Variants in ENTPD6 observed in about 807,000 individuals in gnomAD.
ENTPD6 encodes CD39 antigen-like 2.
A neutral mutation model predicts 61.5 loss-of-function variants in ENTPD6; 46 were observed. The observed-to-expected ratio is 0.75, with a 90% CI of 0.59 to 0.96. The LOEUF (loss-of-function observed/expected upper bound fraction) is 0.96. ENTPD6 is among the 40% of genes least tolerant of loss of function. The pLI, the probability that ENTPD6 is intolerant of heterozygous loss-of-function variation, is 0.00. For missense variants in ENTPD6, 612 were observed against 629.0 expected (o/e 0.97, Z 0.29); for synonymous variants, 252 against 255.5 (o/e 0.99, Z 0.13).
intron 4 of ENTPD6, 67 bp from the exon 5 acceptor site, chr20:25,213,196 G>A: frequency 6.3e-7 from 1 of 1,598,548 alleles, no homozygotes; most frequent in East Asian, 2.2e-5. Flanking sequence ...CAAAAGGGTG[G>A]AAGCAGCACG....
At chr20:25,216,099 TG>T (rs1254218092) in intron 7 of ENTPD6, among the ~76,000 whole-genome samples, 2 of 152,300 alleles carry the variant, frequency 1.3e-5, no homozygotes, top group East Asian at 3.9e-4. Context: ...CTGCTGTAGG[TG>T]GAACAGGGAA....
rs1260277388 is a variant in ENTPD6 at position 25,227,853 on chromosome 20, A to G, written c.*2256A>G. 2.0e-5 allele frequency among the ~76,000 whole-genome samples: 3 copies of G among 152,244 alleles called. No homozygotes were observed. The highest frequency in any genetic ancestry group is 2.9e-5 in the Non-Finnish European group (2 of 68,036). On this transcript the variant is annotated 3_prime_UTR_variant, in exon 15 of 15. Transcript: ENST00000376652. ...ACAAGCATCGGTGCTGGCCTCCCCCATGTCCTAACAGCTACAGCCAGTTTA... is the reference window on the plus strand; with the variant it reads ...ACAAGCATCGGTGCTGGCCTCCCCCGTGTCCTAACAGCTACAGCCAGTTTA...
Position 25,217,601 on chromosome 20 carries a change from C to G in ENTPD6, c.878+20C>G. 1 of 1,609,676 alleles carries G rather than the reference C, an allele frequency of 6.2e-7. No individual in the cohort carries two copies. Among genetic ancestry groups the G allele is most frequent in the Non-Finnish European group, 8.5e-7 (1 of 1,176,140 alleles). ...CTACAGGTCTGCTTTCGGGAACAGG[C>G]GTGGGGAGGCGCCATGGGGTGGGTA... On this transcript the variant is annotated intron_variant, in intron 9 of 14. Transcript: ENST00000376652.
At chr20:25,221,376 T>A in intron 11 of ENTPD6, 43 bp downstream of exon 11, 1 of 1,452,818 alleles carries the variant, frequency 6.9e-7, no homozygotes, top group Non-Finnish European at 9.7e-7. Flanking sequence ...CGGGTGAGAG[T>A]GGTGGCCTCC....
chr20:25,212,388 G>T (rs2092027484), intron 4 of ENTPD6, among the ~76,000 whole-genome samples: 1 of 152,166 alleles, frequency 6.6e-6, no homozygotes, highest in Non-Finnish European at 1.5e-5. Flanking sequence ...GTGAGGATTG[G>T]CACAGGTCTG....
intron 5 of ENTPD6, among the ~76,000 whole-genome samples, chr20:25,214,522 G>A (rs981609326): frequency 1.3e-5 from 2 of 152,234 alleles, no homozygotes; most frequent in African/African-American, 4.8e-5. Flanking sequence ...GCGGGCTTAG[G>A]ACAGGGTCTC....
intron 10 of ENTPD6, among the ~76,000 whole-genome samples, chr20:25,219,972 A>G (rs1179685060): frequency 6.6e-6 from 1 of 152,240 alleles, no homozygotes; most frequent in East Asian, 1.9e-4. Flanking sequence ...CCTATTATTT[A>G]GCCAATGAGA....
chr20:25,195,758 G>A lies in ENTPD6; in HGVS notation c.-125G>A, dbSNP rs74173669. The A allele has an allele frequency of 5.4e-6, 5 of 933,994 alleles. No homozygotes were observed. The African/African-American group carries it at 8.6e-5, about 16-fold the overall frequency. The allele number at this position is 933,994 out of a possible 1,614,324, so 57.9% of individuals were successfully genotyped here. Reference sequence around the variant, plus strand: ...ATCGTGGGGTCGTATCCCGCGGGTGGAGGCCGGGGTGGCGCCGGCCGGGGC... The same window carrying A: ...ATCGTGGGGTCGTATCCCGCGGGTGAAGGCCGGGGTGGCGCCGGCCGGGGC... On this transcript the variant is annotated 5_prime_UTR_variant, in exon 1 of 15. Transcript: ENST00000376652.
intron 1 of ENTPD6, 64 bp from the exon 2 acceptor site, chr20:25,206,458 T>C: frequency 7.9e-7 from 1 of 1,259,090 alleles, no homozygotes; most frequent in Non-Finnish European, 1.2e-6. Flanking sequence ...TGAATTTATT[T>C]TGCTACTCTA....
intron 11 of ENTPD6, chr20:25,222,143 C>T (rs2092656204): frequency 6.5e-6 from 1 of 153,512 alleles, no homozygotes; most frequent in Non-Finnish European, 1.4e-5. Flanking sequence ...GCAGCACACA[C>T]CGGGGCCCTC....
chr20:25,217,312 C>T (rs182520889), intron 8 of ENTPD6, among the ~76,000 whole-genome samples, 190 bp from the exon 9 acceptor site: 143 of 152,226 alleles, frequency 9.4e-4, no homozygotes, highest in Admixed American at 7.1e-3. Flanking sequence ...CCTGTGGGAA[C>T]GAAGCACCGT....
intron 8 of ENTPD6, among the ~76,000 whole-genome samples, chr20:25,216,991 G>A (rs1311353708): frequency 6.6e-6 from 1 of 152,160 alleles, no homozygotes; most frequent in East Asian, 1.9e-4. Context: ...ATAAATTAGG[G>A]AATAACTGGA....
chr20:25,225,414 C>T (rs1296821503), intron 14 of ENTPD6, 85 bp from the exon 15 acceptor site: 6 of 1,579,276 alleles, frequency 3.8e-6, no homozygotes, highest in Admixed American at 3.4e-5. Context: ...CAGCCCATCC[C>T]TGGCTTCCAA....
intron 10 of ENTPD6, among the ~76,000 whole-genome samples, chr20:25,220,939 C>A (rs78690182): frequency 0.038 from 5,778 of 152,346 alleles, 151 homozygotes; most frequent in Non-Finnish European, 0.061. Flanking sequence ...GTAATGATGG[C>A]TCCCCTCCTA....
At chr20:25,206,617 C>T in intron 2 of ENTPD6, 27 bp downstream of exon 2, 1 of 1,555,130 alleles carries the variant, frequency 6.4e-7, no homozygotes, top group Middle Eastern at 1.7e-4. Flanking sequence ...CAGTAGTTGC[C>T]CAAGGGACGG....
chr20:25,225,865 A>G lies in ENTPD6; in HGVS notation c.*268A>G. On this transcript the variant is annotated 3_prime_UTR_variant, in exon 15 of 15. Transcript: ENST00000376652. ...GTGGGCAGGACCAGGACAGAACCAC[A>G]GGCACACACTGAGGGGGCAGTGTGG... The G allele has an allele frequency of 2.5e-6, 1 of 400,408 alleles. No individual in the cohort carries two copies. Among genetic ancestry groups the G allele is most frequent in the Non-Finnish European group, 4.5e-6 (1 of 222,622 alleles). 24.8% of individuals were successfully genotyped at this position (400,408 alleles called of 1,614,324 possible). A position where few individuals can be genotyped will look rare whatever the true frequency, so the allele number is the denominator to read the frequency against.
chr20:25,197,009 G>A, intron 1 of ENTPD6: 1 of 860,814 alleles, frequency 1.2e-6, no homozygotes, highest in Non-Finnish European at 1.4e-6. Context: ...TTGACGGGCG[G>A]TTCACGCACC....
At chr20:25,216,426 A>G (rs2092316013) in intron 7 of ENTPD6, among the ~76,000 whole-genome samples, 1 of 152,164 alleles carries the variant, frequency 6.6e-6, no homozygotes, top group Non-Finnish European at 1.5e-5. Flanking sequence ...TCTCCCCTGA[A>G]GGTTCATGCT....
chr20:25,217,733 C>T, intron 9 of ENTPD6, 152 bp downstream of exon 9: 2 of 675,310 alleles, frequency 3.0e-6, no homozygotes, highest in Non-Finnish European at 5.2e-6. Context: ...TCCTCCTTCT[C>T]CCGCCTCCTC....
Sources: gnomAD v4.1 joint callset for allele counts (sites outside exome capture counted in the v4.1 genomes callset) on GRCh38, gnomAD v4.1.1 for gene constraint, MANE v1.5 for transcripts, NCBI Gene and HGNC (gene_info 2026-07-23, HGNC 2026-07-21) for gene names.